Variants in BLTP3B observed in about 807,000 individuals in gnomAD.
BLTP3B encodes UHRF1 (ICBP90) binding protein 1-like.
the BLTP3B span, chr12:100,093,006 A>G: frequency 1.0e-6 from 1 of 977,114 alleles, no homozygotes; most frequent in Non-Finnish European, 1.2e-6. Flanking sequence ...CCTTATCCTC[A>G]ACTTACTTAA....
chr12:100,057,059 C>T, the BLTP3B span, among the ~76,000 whole-genome samples: 3 of 152,304 alleles, frequency 2.0e-5, no homozygotes, highest in African/African-American at 7.2e-5. Flanking sequence ...CATGTAGTTA[C>T]ACCATATACT....
chr12:100,115,742 A>G, the BLTP3B span, among the ~76,000 whole-genome samples: 2 of 152,078 alleles, frequency 1.3e-5, no homozygotes, highest in African/African-American at 4.8e-5. Flanking sequence ...AGCCTTGGTG[A>G]CAGAGTGAGA....
chr12:100,054,772 G>A, the BLTP3B span, among the ~76,000 whole-genome samples: 1 of 152,266 alleles, frequency 6.6e-6, no homozygotes, highest in East Asian at 1.9e-4. Context: ...TGGGGAGCTA[G>A]AATAGCTTAA....
At chr12:100,061,224 A>G in the BLTP3B span, among the ~76,000 whole-genome samples, 1 of 152,228 alleles carries the variant, frequency 6.6e-6, no homozygotes, top group Non-Finnish European at 1.5e-5. Flanking sequence ...AGTAAAGGGA[A>G]TATCTCAACG....
At chr12:100,093,451 T>C in the BLTP3B span, among the ~76,000 whole-genome samples, 2 of 152,196 alleles carry the variant, frequency 1.3e-5, no homozygotes, top group African/African-American at 4.8e-5. Flanking sequence ...TAGCTGACAA[T>C]TATTTGATCT....
the BLTP3B span, chr12:100,051,256 G>C: frequency 2.6e-4 from 418 of 1,596,666 alleles, no homozygotes; most frequent in Admixed American, 6.1e-4. Context: ...ATAAATTAAA[G>C]TCAGTTTTAC....
At chr12:100,070,099 C>T in the BLTP3B span, 18 of 1,480,772 alleles carry the variant, frequency 1.2e-5, no homozygotes, top group Admixed American at 2.3e-5. Context: ...TGCCATTTTA[C>T]TCCCTATGAG....
chr12:100,041,429 CTTTTTT>C, the BLTP3B span, among the ~76,000 whole-genome samples: 4 of 101,812 alleles, frequency 3.9e-5, no homozygotes, highest in Admixed American at 9.7e-5. Flanking sequence ...GCTATTGTTA[CTTTTTT>C]TTTTTTTTTT....
the BLTP3B span, among the ~76,000 whole-genome samples, chr12:100,120,662 C>T: frequency 6.6e-6 from 1 of 152,160 alleles, no homozygotes; most frequent in African/African-American, 2.4e-5. Context: ...CTTTGGAAAG[C>T]TGTTTGGAAT....
At chr12:100,059,202 TC>T in the BLTP3B span, 2 of 1,614,098 alleles carry the variant, frequency 1.2e-6, no homozygotes, top group Non-Finnish European at 1.7e-6. Flanking sequence ...AGCCCAAACA[TC>T]CGTGGCAGCA....
At chr12:100,083,097 A>G in the BLTP3B span, 1 of 1,613,832 alleles carries the variant, frequency 6.2e-7, no homozygotes. Flanking sequence ...ATAATACTGA[A>G]GGTGTTCTGC....
the BLTP3B span, among the ~76,000 whole-genome samples, chr12:100,141,733 G>C: frequency 6.6e-6 from 1 of 152,108 alleles, no homozygotes; most frequent in African/African-American, 2.4e-5. Flanking sequence ...CTTGGAACAA[G>C]AGCCTACATT....
At chr12:100,128,938 C>G in the BLTP3B span, among the ~76,000 whole-genome samples, 5 of 152,050 alleles carry the variant, frequency 3.3e-5, no homozygotes, top group Non-Finnish European at 7.4e-5. Flanking sequence ...ACTGTTACTA[C>G]TACTCCCCAA....
the BLTP3B span, among the ~76,000 whole-genome samples, chr12:100,107,289 CAAAAAAAAAAAAA>C: frequency 1.1e-4 from 4 of 35,348 alleles, no homozygotes; most frequent in South Asian, 1.3e-3. Flanking sequence ...CTCCATCTCC[CAAAAAAAAAAAAA>C]AAAAAAAAAA....
chr12:100,048,859 T>C, the BLTP3B span, among the ~76,000 whole-genome samples: 3 of 151,250 alleles, frequency 2.0e-5, no homozygotes, highest in Admixed American at 6.6e-5. Context: ...AAAAAATTTA[T>C]AGATGGCCTA....
the BLTP3B span, chr12:100,059,318 T>C: frequency 8.7e-6 from 14 of 1,614,070 alleles, no homozygotes; most frequent in East Asian, 2.7e-4. Context: ...AAATTGGATG[T>C]AGAAGATTAA....
At chr12:100,087,158 C>CAGAAAA in the BLTP3B span, among the ~76,000 whole-genome samples, 3 of 59,890 alleles carry the variant, frequency 5.0e-5, no homozygotes, top group South Asian at 6.9e-4. Flanking sequence ...GACTCCATCT[C>CAGAAAA]AAAAAAAAAA....
the BLTP3B span, among the ~76,000 whole-genome samples, chr12:100,043,707 T>C: frequency 6.6e-6 from 1 of 152,236 alleles, no homozygotes. Flanking sequence ...AATCATTCCC[T>C]TCCTGGGGGC....
the BLTP3B span, chr12:100,047,460 T>C: frequency 6.0e-6 from 7 of 1,159,650 alleles, no homozygotes; most frequent in African/African-American, 7.7e-5. Context: ...GATCGTGCCA[T>C]TGCACTCAAG....
Sources: gnomAD v4.1 joint callset for allele counts (sites outside exome capture counted in the v4.1 genomes callset) on GRCh38, gnomAD v4.1.1 for gene constraint, MANE v1.5 for transcripts, NCBI Gene and HGNC (gene_info 2026-07-23, HGNC 2026-07-21) for gene names.